CCBE1: variants seen among roughly 807,000 people sequenced by gnomAD.
CCBE1 encodes collagen and calcium-binding EGF domain-containing protein 1.
In CCBE1, 37 loss-of-function variants were observed where a neutral mutation model predicts 50.0. That is an observed-to-expected ratio of 0.74 (90% confidence interval 0.57 to 0.97). The LOEUF is 0.97. CCBE1 is among the 50% of genes least tolerant of loss of function. The pLI, the probability that CCBE1 is intolerant of heterozygous loss-of-function variation, is 0.00. For synonymous variants in CCBE1, 234 were observed against 203.7 expected (o/e 1.15, Z -1.27); for missense variants, 538 against 523.8 (o/e 1.03, Z -0.26).
intron 2 of CCBE1, among the ~76,000 whole-genome samples, chr18:59,635,890 G>A (rs2053909783): frequency 6.6e-6 from 1 of 152,198 alleles, no homozygotes; most frequent in African/African-American, 2.4e-5. Context: ...AGCTGCATGT[G>A]ATAGCTCATG....
chr18:59,624,332 T>C (rs1223551056), intron 2 of CCBE1, among the ~76,000 whole-genome samples: 1 of 152,122 alleles, frequency 6.6e-6, no homozygotes, highest in Non-Finnish European at 1.5e-5. Flanking sequence ...CTGCTGCAAA[T>C]GCAAGGGCAT....
intron 2 of CCBE1, among the ~76,000 whole-genome samples, chr18:59,529,400 G>A (rs35389759): frequency 0.023 from 3,448 of 152,290 alleles, 87 homozygotes; most frequent in East Asian, 0.12. Context: ...CTCTCTCCCC[G>A]GGAACTTGTA....
Position 59,585,192 on chromosome 18 carries a change from C to T in CCBE1, c.213-104954G>A, listed in dbSNP as rs116853354. Among the ~76,000 whole-genome samples, 13 of 152,176 alleles carry T rather than the reference C, an allele frequency of 8.5e-5. No individual in the cohort carries two copies. The East Asian group carries it at 1.2e-3, about 14-fold the overall frequency. On this transcript the variant is annotated intron_variant, in intron 2 of 10. Transcript: ENST00000439986. ...TAGCCCTGGCTCACCCTTCAGATCT[C>T]GTAAGTGTCATCTGTTACAGGCAAC...
In CCBE1 at chr18:59,545,773, C is replaced by T. The variant is rs528621652; in HGVS notation, c.213-65535G>A. On this transcript the variant is annotated intron_variant, in intron 2 of 10. Transcript: ENST00000439986. ...AGTGAATAAGTCTCATGAGATCTGA[C>T]GGTTTTATCAGGGGGTTCCCCTTTT... Among the ~76,000 whole-genome samples the T allele has an allele frequency of 1.4e-4, 21 of 152,274 alleles. No homozygotes were observed. The South Asian group carries it at 3.5e-3, about 26-fold the overall frequency.
At chr18:59,651,039 G>C (rs954469309) in intron 2 of CCBE1, among the ~76,000 whole-genome samples, 1 of 152,062 alleles carries the variant, frequency 6.6e-6, no homozygotes. Context: ...CCTTTTCCTC[G>C]CCACAGCCAG....
At chr18:59,466,264 T>C (rs866970577) in intron 5 of CCBE1, among the ~76,000 whole-genome samples, 2 of 152,100 alleles carry the variant, frequency 1.3e-5, no homozygotes, top group African/African-American at 4.8e-5. Context: ...GGCAGGTCTT[T>C]CCCATGCTAT....
At chr18:59,549,741 G>T (rs529735190) in intron 2 of CCBE1, among the ~76,000 whole-genome samples, 14 of 152,308 alleles carry the variant, frequency 9.2e-5, no homozygotes, top group African/African-American at 3.1e-4. Flanking sequence ...AGCAAAATTT[G>T]TGGACAACAA....
chr18:59,528,630 G>A (rs909150431), intron 2 of CCBE1, among the ~76,000 whole-genome samples: 1 of 152,118 alleles, frequency 6.6e-6, no homozygotes, highest in African/African-American at 2.4e-5. Context: ...TGAGGCTGCT[G>A]ACCTTTGGAT....
chr18:59,509,615 A>C (rs1368733377), intron 2 of CCBE1, among the ~76,000 whole-genome samples: 3 of 152,186 alleles, frequency 2.0e-5, no homozygotes, highest in Non-Finnish European at 4.4e-5. Context: ...AATTTTGGCC[A>C]CATTTTGAAT....
chr18:59,647,654 C>T (rs967737480), intron 2 of CCBE1, among the ~76,000 whole-genome samples: 1 of 152,122 alleles, frequency 6.6e-6, no homozygotes, highest in African/African-American at 2.4e-5. Flanking sequence ...TAGAACTTTC[C>T]CTCCACCTGT....
chr18:59,608,109 G>T, intron 2 of CCBE1, among the ~76,000 whole-genome samples: 1 of 152,178 alleles, frequency 6.6e-6, no homozygotes, highest in Non-Finnish European at 1.5e-5. Context: ...GACAGAGTGA[G>T]ACTCCGTCTC....
intron 7 of CCBE1, among the ~76,000 whole-genome samples, chr18:59,443,601 G>A (rs1910540778): frequency 6.6e-6 from 1 of 150,940 alleles, no homozygotes; most frequent in Admixed American, 6.6e-5. Context: ...CAAGTAGATG[G>A]GATTACAGGT....
At chr18:59,696,749 G>T in intron 1 of CCBE1, 40 bp from the exon 2 acceptor site, 1 of 1,601,896 alleles carries the variant, frequency 6.2e-7, no homozygotes, top group South Asian at 1.1e-5. Context: ...TTCTCAGCGG[G>T]AGAGCGGAGG....
chr18:59,543,834 C>CAAAAAAAAAAAAAAAAA (rs10678902), intron 2 of CCBE1, among the ~76,000 whole-genome samples: 33 of 68,982 alleles, frequency 4.8e-4, no homozygotes, highest in African/African-American at 2.3e-3. Flanking sequence ...GACTCCGTCT[C>CAAAAAAAAAAAAAAAAA]AAAAAAAAAA....
intron 2 of CCBE1, among the ~76,000 whole-genome samples, chr18:59,498,701 G>A (rs570123784): frequency 5.3e-5 from 8 of 152,170 alleles, no homozygotes; most frequent in Admixed American, 1.3e-4. Context: ...TTCATTTTCC[G>A]TGCCTTGTTG....
intron 2 of CCBE1, among the ~76,000 whole-genome samples, chr18:59,622,679 T>C (rs2144609114): frequency 6.9e-6 from 1 of 144,044 alleles, no homozygotes; most frequent in Middle Eastern, 4.1e-3. Context: ...CATGCGCCTA[T>C]AATCCCAGCT....
At chr18:59,684,896 A>AG (rs899785328) in intron 2 of CCBE1, among the ~76,000 whole-genome samples, 4 of 152,110 alleles carry the variant, frequency 2.6e-5, no homozygotes, top group African/African-American at 9.7e-5. Flanking sequence ...GTGGAGGGTG[A>AG]GGGGTTGAGA....
chr18:59,535,227 C>G (rs1915202687), intron 2 of CCBE1, among the ~76,000 whole-genome samples: 1 of 152,132 alleles, frequency 6.6e-6, no homozygotes, highest in Admixed American at 6.5e-5. Flanking sequence ...CGCTGGTGAG[C>G]TGAGACTGTG....
At chr18:59,501,955 C>T (rs1006801065) in intron 2 of CCBE1, among the ~76,000 whole-genome samples, 5 of 152,176 alleles carry the variant, frequency 3.3e-5, no homozygotes, top group Admixed American at 6.5e-5. Flanking sequence ...TGCACCATCA[C>T]GCCTGGCTAA....
Sources: gnomAD v4.1 joint callset for allele counts (sites outside exome capture counted in the v4.1 genomes callset) on GRCh38, gnomAD v4.1.1 for gene constraint, MANE v1.5 for transcripts, NCBI Gene and HGNC (gene_info 2026-07-23, HGNC 2026-07-21) for gene names.